SGCG: variants seen among roughly 807,000 people sequenced by gnomAD.
SGCG encodes the protein gamma-sarcoglycan.
Under a neutral mutation model 29.3 loss-of-function variants are expected in SGCG, and 26 were observed. That is an observed-to-expected ratio of 0.89 (90% CI 0.65 to 1.23). SGCG has a LOEUF of 1.23. Among genes scored for constraint, SGCG ranks in the 50% most tolerant of loss-of-function variants. SGCG has a pLI of 0.00. For synonymous variants in SGCG, 145 were observed against 129.7 expected, an observed-to-expected ratio of 1.12 and a Z score of -0.80; for missense variants, 353 against 356.0, an observed-to-expected ratio of 0.99 and a Z score of 0.07.
intron 5 of SGCG, among the ~76,000 whole-genome samples, chr13:23,289,734 G>C (rs982624142): frequency 3.3e-5 from 5 of 152,176 alleles, no homozygotes; most frequent in African/African-American, 1.2e-4. Context: ...TCTGAAAAAA[G>C]CCTGGTATAA....
intron 2 of SGCG, among the ~76,000 whole-genome samples, chr13:23,227,365 C>A (rs966223913): frequency 6.7e-6 from 1 of 150,054 alleles, no homozygotes; most frequent in Admixed American, 6.6e-5. Context: ...GACAAGAATG[C>A]GGAACAACTA....
chr13:23,248,389 C>G (rs1459238146), intron 3 of SGCG, among the ~76,000 whole-genome samples: 1 of 152,022 alleles, frequency 6.6e-6, no homozygotes, highest in African/African-American at 2.4e-5. Context: ...GTAGTATTAT[C>G]AAGAGTAGCC....
the SGCG span, among the ~76,000 whole-genome samples, chr13:23,171,779 T>C: frequency 4.6e-5 from 7 of 152,254 alleles, no homozygotes; most frequent in Admixed American, 3.3e-4. Flanking sequence ...ATCTCATGCC[T>C]CCACTGATCC....
chr13:23,224,671 C>T (rs1878823124), intron 2 of SGCG, among the ~76,000 whole-genome samples: 1 of 148,888 alleles, frequency 6.7e-6, no homozygotes, highest in African/African-American at 2.4e-5. Flanking sequence ...CACATACACA[C>T]ACACACACAC....
chr13:23,293,637 A>G (rs1379279725), intron 5 of SGCG, among the ~76,000 whole-genome samples: 1 of 152,092 alleles, frequency 6.6e-6, no homozygotes, highest in Non-Finnish European at 1.5e-5. Context: ...TTGAGACCAG[A>G]CTGGCCAACA....
chr13:23,173,265 C>T, the SGCG span, among the ~76,000 whole-genome samples: 2 of 152,144 alleles, frequency 1.3e-5, no homozygotes, highest in African/African-American at 4.8e-5. Context: ...CAAAAAGTGT[C>T]CTCTCTGCAG....
chr13:23,225,215 C>T (rs1249861335), intron 2 of SGCG, among the ~76,000 whole-genome samples: 2 of 152,152 alleles, frequency 1.3e-5, no homozygotes, highest in African/African-American at 4.8e-5. Context: ...ATCCTAACAC[C>T]CAAATGTTAC....
At chr13:23,170,590 T>G in the SGCG span, 1 of 152,186 alleles carries the variant, frequency 6.6e-6, no homozygotes, top group Non-Finnish European at 1.5e-5. Context: ...GTTGCCTTCT[T>G]CTTCTGGTGT....
chr13:23,194,160 G>A (rs530085296), intron 1 of SGCG, among the ~76,000 whole-genome samples: 3 of 152,288 alleles, frequency 2.0e-5, no homozygotes, highest in Admixed American at 1.3e-4. Flanking sequence ...ATAACTTCTG[G>A]AAATACATCC....
intron 1 of SGCG, among the ~76,000 whole-genome samples, chr13:23,190,919 A>G (rs529150657): frequency 7.9e-5 from 12 of 152,332 alleles, no homozygotes; most frequent in African/African-American, 2.9e-4. Flanking sequence ...ATTGAAAACT[A>G]TATTTGGTGA....
At chr13:23,262,973 C>T (rs1476545994) in intron 4 of SGCG, among the ~76,000 whole-genome samples, 2 of 151,794 alleles carry the variant, frequency 1.3e-5, no homozygotes, top group Non-Finnish European at 2.9e-5. Context: ...AGTGAGTCAA[C>T]TTATCAGAAC....
intron 2 of SGCG, among the ~76,000 whole-genome samples, chr13:23,219,264 GT>G (rs1878561323): frequency 6.6e-6 from 1 of 151,994 alleles, no homozygotes; most frequent in East Asian, 1.9e-4. Flanking sequence ...AGCCAGGATG[GT>G]CTCGATCTCC....
intron 6 of SGCG, among the ~76,000 whole-genome samples, chr13:23,310,310 TCTC>T (rs1882540460): frequency 6.6e-6 from 1 of 151,974 alleles, no homozygotes; most frequent in Admixed American, 6.6e-5. Context: ...GTGGTCTCGA[TCTC>T]CTGACCTCAT....
chr13:23,302,769 TGATA>T (rs1882212781), intron 6 of SGCG, among the ~76,000 whole-genome samples: 1 of 152,186 alleles, frequency 6.6e-6, no homozygotes, highest in Admixed American at 6.5e-5. Context: ...AAAAACTATT[TGATA>T]GATCTGCTAA....
At chr13:23,312,613 CAG>C (rs981113616) in intron 6 of SGCG, among the ~76,000 whole-genome samples, 5 of 152,206 alleles carry the variant, frequency 3.3e-5, no homozygotes, top group Non-Finnish European at 5.9e-5. Context: ...TTGGGAGGAT[CAG>C]GGGGTGAGGG....
chr13:23,319,358 C>T (rs1220365504), intron 6 of SGCG, among the ~76,000 whole-genome samples: 1 of 151,688 alleles, frequency 6.6e-6, no homozygotes, highest in Non-Finnish European at 1.5e-5. Flanking sequence ...GCACATGGAG[C>T]TGTACCAAAG....
chr13:23,322,765 T>TCCCCC (rs1189871837), intron 7 of SGCG, among the ~76,000 whole-genome samples: 66 of 61,450 alleles, frequency 1.1e-3, no homozygotes, highest in Middle Eastern at 0.014. Context: ...CCCCCACCCA[T>TCCCCC]CCACCTCCCC....
intron 2 of SGCG, among the ~76,000 whole-genome samples, chr13:23,230,493 T>C (rs562018254): frequency 1.2e-4 from 19 of 152,316 alleles, no homozygotes; most frequent in Admixed American, 2.0e-4. Flanking sequence ...TGTAGGGATC[T>C]TTCACCCCTT....
intron 2 of SGCG, among the ~76,000 whole-genome samples, chr13:23,228,090 G>T (rs925205082): frequency 6.6e-6 from 1 of 151,952 alleles, no homozygotes; most frequent in East Asian, 1.9e-4. Flanking sequence ...CACAGCACCC[G>T]GCCACAGGGC....
Sources: allele counts gnomAD v4.1 joint callset (sites outside exome capture counted in the v4.1 genomes callset), GRCh38; gene constraint gnomAD v4.1.1; transcripts MANE v1.5; gene names NCBI Gene and HGNC (gene_info 2026-07-23, HGNC 2026-07-21).